Variants in LRRTM4 observed in about 807,000 individuals in gnomAD.
LRRTM4 encodes the protein leucine rich repeat transmembrane neuronal 4.
A neutral mutation model predicts 47.6 loss-of-function variants in LRRTM4; 25 were observed. The ratio of observed to expected loss-of-function variants is 0.53; its 90% CI spans 0.38 to 0.73. The LOEUF (loss-of-function observed/expected upper bound fraction) is 0.73, where lower values mean the gene tolerates loss of function less well. Ranked by LOEUF, LRRTM4 falls within the 30% of genes least tolerant of loss-of-function variation. The pLI, the probability that LRRTM4 is intolerant of heterozygous loss-of-function variation, is 0.00. For missense variants in LRRTM4, 638 were observed against 713.4 expected (o/e 0.89, Z 1.20); for synonymous variants, 311 against 269.5 (o/e 1.15, Z -1.51).
At chr2:77,471,287 C>A (rs1039951099) in intron 3 of LRRTM4, among the ~76,000 whole-genome samples, 6 of 152,060 alleles carry the variant, frequency 3.9e-5, no homozygotes, top group Non-Finnish European at 7.4e-5. Context: ...ATCAGCAAAT[C>A]CTATTAACTC....
intron 3 of LRRTM4, among the ~76,000 whole-genome samples, chr2:77,371,675 C>G (rs1672661724): frequency 6.6e-6 from 1 of 151,646 alleles, no homozygotes; most frequent in African/African-American, 2.4e-5. Context: ...TGCTCTAAGT[C>G]CTGACTACAC....
intron 3 of LRRTM4, among the ~76,000 whole-genome samples, chr2:77,490,547 C>T (rs748978581): frequency 4.6e-5 from 7 of 151,852 alleles, no homozygotes; most frequent in Non-Finnish European, 1.0e-4. Flanking sequence ...AAATCCTTAG[C>T]GAATGGTGAC....
At position 77,518,703 on chromosome 2, in the gene LRRTM4, A is replaced by G; in HGVS notation, c.1166T>C (p.Ile389Thr). The G allele has an allele frequency of 6.2e-7, 1 of 1,613,390 alleles. No homozygotes were observed. The highest frequency in any genetic ancestry group is 8.5e-7 in the Non-Finnish European group (1 of 1,179,614). The change falls in exon 3 of 4, where the codon ATC (isoleucine) becomes ACC (threonine). Residue 389 changes from isoleucine to threonine, a missense_variant. Coordinates refer to ENST00000409884, the MANE Select transcript of LRRTM4 (RefSeq NM_001134745.3). The stretch of plus-strand genomic sequence containing the variant: ...GGATTGGGTGACGTCAGGTTTGAAG[A>G]TGGTAGGTCTAGGGATAATCAGAGG... ...QKPLIIPRPT[I>T]FKPDVTQSTF...
intron 3 of LRRTM4, among the ~76,000 whole-genome samples, chr2:77,039,056 T>G (rs566801234): frequency 4.0e-5 from 6 of 151,256 alleles, no homozygotes; most frequent in East Asian, 3.9e-4. Context: ...CTAACCATAT[T>G]TACAATATAA....
chr2:76,911,890 C>G (rs1039192743), intron 3 of LRRTM4, among the ~76,000 whole-genome samples: 14 of 145,248 alleles, frequency 9.6e-5, no homozygotes, highest in African/African-American at 3.4e-4. Flanking sequence ...TCTCCACAAC[C>G]CTACTAACAT....
At position 77,216,096 on chromosome 2, in the gene LRRTM4, C is replaced by A. The variant is rs543333491; in HGVS notation, c.1551+302222G>T. ...GACTATGATACATTAACTGCCCCCC[C>A]ACCCAGCAATACAACTAATACTTGA... On this transcript the variant is annotated intron_variant, in intron 3 of 3. Transcript: ENST00000409884. 3.2e-4 allele frequency among the ~76,000 whole-genome samples: 33 copies of A among 103,386 alleles called. 1 individual carries two copies. Among genetic ancestry groups the A allele is most frequent in the Admixed American group, 2.0e-3 (22 of 11,254 alleles). The allele number at this position is 103,386 out of a possible 152,430, so 67.8% of individuals were successfully genotyped here. A position where few individuals can be genotyped will look rare whatever the true frequency, so the allele number is the denominator to read the frequency against.
At chr2:77,459,431 G>A (rs1289949141) in intron 3 of LRRTM4, among the ~76,000 whole-genome samples, 2 of 152,044 alleles carry the variant, frequency 1.3e-5, no homozygotes, top group Admixed American at 6.6e-5. Context: ...CAGCAATTAA[G>A]GGTGTAGGTC....
rs557059725 is a variant in LRRTM4 at position 77,180,152 on chromosome 2, T to C, written c.1551+338166A>G. Among the ~76,000 whole-genome samples, 4 of 152,044 alleles carry C rather than the reference T, an allele frequency of 2.6e-5. No homozygotes were observed. The East Asian group carries it at 7.7e-4, about 29-fold the overall frequency. On this transcript the variant is annotated intron_variant, in intron 3 of 3. Coordinates refer to ENST00000409884, the MANE Select transcript of LRRTM4 (RefSeq NM_001134745.3). ...ATATTTTGCTGTAATGTAAAAAGAG[T>C]TTTCTGGGAACCTTGATGGACTACT...
intron 3 of LRRTM4, among the ~76,000 whole-genome samples, chr2:77,320,020 G>C (rs1402677816): frequency 1.3e-5 from 2 of 152,110 alleles, no homozygotes; most frequent in African/African-American, 4.8e-5. Context: ...ACCTCTAACT[G>C]TTGTTTTTTT....
chr2:77,363,069 C>G (rs192826904), intron 3 of LRRTM4, among the ~76,000 whole-genome samples: 14 of 152,154 alleles, frequency 9.2e-5, no homozygotes, highest in African/African-American at 3.4e-4. Flanking sequence ...GGTCTAAGAT[C>G]AGTAAGGGTT....
rs116327425 is a variant in LRRTM4, at chr2:77,378,421, T to G, written c.1551+139897A>C. ...CTACTTTAAATTTATTCTAGATATG[T>G]GTATCTTTTCAAAATGTATCTCTAT... is the stretch of plus-strand genomic sequence containing the variant. On this transcript the variant is annotated intron_variant, in intron 3 of 3. Transcript: ENST00000409884. 8.3e-3 allele frequency among the ~76,000 whole-genome samples: 1,266 copies of G among 152,238 alleles called. 14 individuals are homozygous for G. The highest frequency in any genetic ancestry group is 0.013 in the Non-Finnish European group (912 of 68,002).
intron 3 of LRRTM4, among the ~76,000 whole-genome samples, chr2:77,429,896 T>A (rs1675293890): frequency 6.6e-6 from 1 of 152,080 alleles, no homozygotes; most frequent in Non-Finnish European, 1.5e-5. Flanking sequence ...TGAAGCCCTG[T>A]CTCTACTAAA....
intron 3 of LRRTM4, among the ~76,000 whole-genome samples, chr2:77,382,862 C>T (rs1673116323): frequency 6.6e-6 from 1 of 151,926 alleles, no homozygotes; most frequent in East Asian, 1.9e-4. Context: ...TGGTGAAGGA[C>T]GAGCCATACG....
At chr2:77,391,726 C>A (rs989012140) in intron 3 of LRRTM4, among the ~76,000 whole-genome samples, 1 of 151,862 alleles carries the variant, frequency 6.6e-6, no homozygotes, top group Non-Finnish European at 1.5e-5. Context: ...GCCAAGGGGA[C>A]CCAACTAAAC....
chr2:77,250,168 G>C (rs1675564632), intron 3 of LRRTM4, among the ~76,000 whole-genome samples: 1 of 152,166 alleles, frequency 6.6e-6, no homozygotes, highest in African/African-American at 2.4e-5. Flanking sequence ...AGTTAGAAGG[G>C]AGGGAGGTAT....
At chr2:77,316,105 C>T (rs1407369813) in intron 3 of LRRTM4, among the ~76,000 whole-genome samples, 1 of 152,092 alleles carries the variant, frequency 6.6e-6, no homozygotes. Context: ...TGTGATTGTT[C>T]TCTTTAACAG....
chr2:77,041,031 T>C (rs146755824), intron 3 of LRRTM4, among the ~76,000 whole-genome samples: 2 of 151,340 alleles, frequency 1.3e-5, no homozygotes, highest in Non-Finnish European at 3.0e-5. Flanking sequence ...CTTTCTCCTA[T>C]CTAACTGTAC....
At chr2:77,024,236 G>T (rs1174094326) in intron 3 of LRRTM4, among the ~76,000 whole-genome samples, 2 of 152,168 alleles carry the variant, frequency 1.3e-5, no homozygotes, top group East Asian at 3.9e-4. Flanking sequence ...TTTGGGTGGG[G>T]GCACAGAGCC....
intron 3 of LRRTM4, among the ~76,000 whole-genome samples, chr2:76,877,641 A>G (rs1672814100): frequency 6.6e-6 from 1 of 152,166 alleles, no homozygotes; most frequent in South Asian, 2.1e-4. Flanking sequence ...TTGACTATTC[A>G]TTTATTACTT....
Sources: allele counts gnomAD v4.1 joint callset (sites outside exome capture counted in the v4.1 genomes callset), GRCh38; gene constraint gnomAD v4.1.1; transcripts MANE v1.5; gene names NCBI Gene and HGNC (gene_info 2026-07-23, HGNC 2026-07-21).